Variants in SUN3 observed in about 807,000 individuals in gnomAD.
SUN3 encodes the protein Sad1 and UNC84 domain containing 3, also known as SUN domain-containing protein 3.
Under a neutral mutation model 48.2 loss-of-function variants are expected in SUN3, and 36 were observed. The observed-to-expected ratio is 0.75, with a 90% CI of 0.57 to 0.99. The LOEUF (loss-of-function observed/expected upper bound fraction) is 0.99. SUN3 is among the 50% of genes least tolerant of loss of function. The probability of loss-of-function intolerance (pLI) is 0.00; values close to 1 mark genes in which losing one functional copy is unlikely to be tolerated. For synonymous variants in SUN3, 148 were observed against 147.9 expected (o/e 1.00, Z 0.00); for missense variants, 419 against 433.1 (o/e 0.97, Z 0.29).
intron 2 of SUN3, among the ~76,000 whole-genome samples, chr7:48,024,509 A>T (rs1220473635): frequency 6.6e-6 from 1 of 152,178 alleles, no homozygotes; most frequent in East Asian, 1.9e-4. Context: ...AAAGGAAAAA[A>T]ATGATAGTGG....
At chr7:48,009,139 T>G in intron 3 of SUN3, 64 bp from the exon 4 acceptor site, 2 of 1,519,554 alleles carry the variant, frequency 1.3e-6, no homozygotes, top group Non-Finnish European at 1.8e-6. Flanking sequence ...GTCTTTTTTT[T>G]TTCTCAGAAA....
Position 48,009,057 on chromosome 7 carries a change from T to C in SUN3, c.307A>G (p.Lys103Glu), listed in dbSNP as rs1789610113. Residue 103 changes from lysine (K) to glutamate (E), a missense_variant, in exon 4 of 10, where the codon AAA (lysine) becomes GAA (glutamate). Coordinates refer to ENST00000297325, the MANE Select transcript of SUN3 (RefSeq NM_001030019.2). The part of the protein sequence containing the change: ...YKYQARLRMP[K>E]EQLELLKKES... ...CACTTTAAAAGTTCCAGTTGCTCTT[T>C]AGGCATACGAAGTCTGGCCTGAAAA... The C allele has an allele frequency of 6.2e-7, 1 of 1,612,624 alleles. No individual in the cohort carries two copies. Among genetic ancestry groups the C allele is most frequent in the African/African-American group, 1.3e-5 (1 of 74,964 alleles).
In SUN3 at chr7:48,028,837, G is replaced by A. The variant is rs768379894; in HGVS notation, c.102C>T (p.Asp34=). ...CCTACCCATTCGCATCAGGATTTTC[G>A]TCCTCTGATAACAAAGCATTGCCAC... The part of the protein sequence containing the change: ...SASGNALLSE[D]ENPDANGVTR... Residue 34 remains aspartate (D), a synonymous_variant, in exon 1 of 10, where the codon GAC becomes GAT. Transcript: ENST00000297325. The A allele has an allele frequency of 4.3e-6, 7 of 1,613,714 alleles. No individual in the cohort carries two copies. The highest frequency in any genetic ancestry group is 2.2e-5 in the South Asian group (2 of 91,070).
intron 4 of SUN3, 48 bp downstream of exon 4, chr7:48,008,987 A>G: frequency 6.3e-7 from 1 of 1,581,014 alleles, no homozygotes; most frequent in Non-Finnish European, 8.6e-7. Flanking sequence ...ACATTTCAGT[A>G]TTTGAAACCA....
chr7:48,026,892 G>A (rs1029140461), intron 1 of SUN3, among the ~76,000 whole-genome samples: 5 of 152,126 alleles, frequency 3.3e-5, no homozygotes, highest in African/African-American at 1.2e-4. Context: ...GTTAAAAAAA[G>A]TAAATTTCTG....
intron 2 of SUN3, among the ~76,000 whole-genome samples, chr7:48,019,689 T>C (rs1789911183): frequency 6.6e-6 from 1 of 151,214 alleles, no homozygotes; most frequent in African/African-American, 2.4e-5. Context: ...CTAGAAGAAA[T>C]GGACAAATTA....
chr7:48,032,911 A>T (rs536218961), upstream of SUN3, among the ~76,000 whole-genome samples: 99 of 152,334 alleles, frequency 6.5e-4, no homozygotes, highest in African/African-American at 2.1e-3. Flanking sequence ...ACCAACAGAG[A>T]CCAGGCAGGA....
chr7:48,010,681 C>T (rs1789659297), intron 3 of SUN3, among the ~76,000 whole-genome samples: 1 of 152,166 alleles, frequency 6.6e-6, no homozygotes, highest in South Asian at 2.1e-4. Flanking sequence ...ACACCTCTGC[C>T]TTTAAGGATC....
chr7:48,009,245 C>A (rs1789616333), intron 3 of SUN3, among the ~76,000 whole-genome samples, 170 bp from the exon 4 acceptor site: 1 of 152,116 alleles, frequency 6.6e-6, no homozygotes, highest in African/African-American at 2.4e-5. Flanking sequence ...CTAGCCTCAC[C>A]TGTACATCAT....
intron 9 of SUN3, among the ~76,000 whole-genome samples, chr7:47,988,411 T>C (rs559422923): frequency 1.3e-5 from 2 of 152,342 alleles, no homozygotes; most frequent in East Asian, 3.9e-4. Context: ...TTTGAGCTTC[T>C]CTCTGCCTCT....
chr7:48,000,614 G>C (rs912832885), intron 6 of SUN3, among the ~76,000 whole-genome samples: 2 of 152,176 alleles, frequency 1.3e-5, no homozygotes, highest in Non-Finnish European at 2.9e-5. Context: ...ATTCCTGAAA[G>C]ATATTTTCAC....
chr7:47,987,450 C>T lies in SUN3; in HGVS notation c.955-1G>A. 1 of 1,551,144 alleles carries T rather than the reference C, an allele frequency of 6.4e-7. No individual in the cohort carries two copies. The highest frequency in any genetic ancestry group is 1.2e-5 in the South Asian group (1 of 80,144). ...ATAATAAATATTCAGAAACTGCATGCTGAAAATAAAGAAAAGAAAATCAAT... is the reference window on the plus strand; with the variant it reads ...ATAATAAATATTCAGAAACTGCATGTTGAAAATAAAGAAAAGAAAATCAAT... On this transcript the variant is annotated splice_acceptor_variant, in intron 9 of 9. Coordinates refer to ENST00000297325, the MANE Select transcript of SUN3 (RefSeq NM_001030019.2). LOFTEE classifies it high-confidence loss of function.
At chr7:47,993,123 TA>T (rs955541149) in intron 8 of SUN3, among the ~76,000 whole-genome samples, 1 of 152,114 alleles carries the variant, frequency 6.6e-6, no homozygotes, top group African/African-American at 2.4e-5. Context: ...CAGAAACATT[TA>T]AAAAAATGGA....
Position 48,017,315 on chromosome 7 carries a change from T to C in SUN3, c.235A>G (p.Arg79Gly). ...LKETDVPQKS[R>G]QLYAIIAEYG... ...TCTGCAATTATGGCATATAATTGTC[T>C]GGATTTCTGAGGAACATCTGTTTCT... The change falls in exon 3 of 10, where the codon AGA becomes GGA. Residue 79 changes from arginine (R) to glycine (G), a missense_variant. Arg to Gly is a moderately radical substitution (Grantham distance 125). Coordinates refer to ENST00000297325, the MANE Select transcript of SUN3 (RefSeq NM_001030019.2). The C allele has an allele frequency of 6.2e-7, 1 of 1,610,438 alleles. No homozygotes were observed. Among genetic ancestry groups the C allele is most frequent in the Non-Finnish European group, 8.5e-7 (1 of 1,177,880 alleles).
upstream of SUN3, among the ~76,000 whole-genome samples, chr7:48,031,832 G>GCACACACACACACACACACACA (rs3073706): frequency 1.4e-5 from 2 of 142,270 alleles, no homozygotes; most frequent in African/African-American, 2.6e-5. Flanking sequence ...TGTGATTTAT[G>GCACACACACACACACACACACA]CACACACACA....
intron 6 of SUN3, among the ~76,000 whole-genome samples, chr7:47,998,171 A>G (rs1457574949): frequency 2.6e-5 from 4 of 152,252 alleles, no homozygotes; most frequent in Non-Finnish European, 5.9e-5. Context: ...TGGCTGTGCC[A>G]TGTTACATTC....
upstream of SUN3, among the ~76,000 whole-genome samples, chr7:48,033,561 CA>C (rs561614110): frequency 4.0e-5 from 6 of 150,582 alleles, no homozygotes; most frequent in Admixed American, 6.6e-5. Flanking sequence ...TATCCTGTCT[CA>C]AAAAAAATAA....
chr7:47,995,354 G>C (rs1789181172), intron 7 of SUN3, among the ~76,000 whole-genome samples: 1 of 151,990 alleles, frequency 6.6e-6, no homozygotes, highest in South Asian at 2.1e-4. Flanking sequence ...TGAAGATGAG[G>C]GTTTTGATGG....
chr7:48,019,398 C>G (rs558564059), intron 2 of SUN3, among the ~76,000 whole-genome samples: 3 of 151,522 alleles, frequency 2.0e-5, no homozygotes, highest in Non-Finnish European at 2.9e-5. Flanking sequence ...AATAGAAAAG[C>G]AAGAGCAAAC....
Sources: gnomAD v4.1 joint callset for allele counts (sites outside exome capture counted in the v4.1 genomes callset) on GRCh38, gnomAD v4.1.1 for gene constraint, MANE v1.5 for transcripts, NCBI Gene and HGNC (gene_info 2026-07-23, HGNC 2026-07-21) for gene names.